CHST11: variants seen among roughly 807,000 people sequenced by gnomAD.
CHST11 encodes the protein C4S-1.
A neutral mutation model predicts 30.4 loss-of-function variants in CHST11; 9 were observed. That is an observed-to-expected ratio of 0.30 (90% CI 0.18 to 0.52). The LOEUF is 0.52. Among genes scored for constraint, CHST11 ranks in the 20% least tolerant of loss-of-function variants. The pLI, the probability that CHST11 is intolerant of heterozygous loss-of-function variation, is 0.97. For synonymous variants in CHST11, 152 were observed against 187.8 expected, an observed-to-expected ratio of 0.81 and a Z score of 1.56; for missense variants, 348 against 460.6, an observed-to-expected ratio of 0.76 and a Z score of 2.24.
chr12:104,470,841 C>T (rs1173514440), intron 1 of CHST11, among the ~76,000 whole-genome samples: 1 of 152,208 alleles, frequency 6.6e-6, no homozygotes, highest in Non-Finnish European at 1.5e-5. Flanking sequence ...CTCTTCACCT[C>T]ACTAGTATGC....
At position 104,750,442 on chromosome 12, in the gene CHST11, TTTTTTTTTTTTTTTG is replaced by T. The variant is rs1444510699; in HGVS notation, c.205-6504_205-6490del. On this transcript the variant is annotated intron_variant, in intron 2 of 2. Coordinates refer to ENST00000303694, the MANE Select transcript of CHST11 (RefSeq NM_018413.6). The stretch of plus-strand genomic sequence containing the variant: ...ATATTTCTGCACTTTTTTTTTTTTT[TTTTTTTTTTTTTTTG>T]TTGAGACTGAGTCTCGCTCTGTCAC... 5.6e-3 allele frequency among the ~76,000 whole-genome samples: 622 copies of T among 111,562 alleles called. 6 individuals are homozygous for T. Among genetic ancestry groups the T allele is most frequent in the African/African-American group, 0.021 (591 of 28,768 alleles). 73.2% of individuals were successfully genotyped at this position (111,562 alleles called of 152,430 possible). A position where few individuals can be genotyped will look rare whatever the true frequency, so the allele number is the denominator to read the frequency against.
chr12:104,564,969 C>A (rs933747702), intron 1 of CHST11, among the ~76,000 whole-genome samples: 1 of 152,022 alleles, frequency 6.6e-6, no homozygotes, highest in African/African-American at 2.4e-5. Context: ...AAAAACCCAC[C>A]CCCTTGATTC....
intron 2 of CHST11, among the ~76,000 whole-genome samples, chr12:104,651,017 G>A (rs1171906512): frequency 6.6e-6 from 1 of 152,184 alleles, no homozygotes; most frequent in Non-Finnish European, 1.5e-5. Context: ...GTATTTATTA[G>A]TCATTATTAT....
chr12:104,628,622 C>G (rs2039242346), intron 2 of CHST11, among the ~76,000 whole-genome samples: 1 of 152,098 alleles, frequency 6.6e-6, no homozygotes, highest in Non-Finnish European at 1.5e-5. Context: ...CTGGCCCCTC[C>G]CTCCCTCTTC....
chr12:104,642,615 G>C (rs2039387845), intron 2 of CHST11, among the ~76,000 whole-genome samples: 2 of 151,956 alleles, frequency 1.3e-5, no homozygotes, highest in Admixed American at 6.6e-5. Context: ...GCCCAGGCTG[G>C]CCTAGAACTC....
intron 2 of CHST11, among the ~76,000 whole-genome samples, chr12:104,657,042 G>C (rs773530280): frequency 2.6e-5 from 4 of 151,958 alleles, no homozygotes; most frequent in Non-Finnish European, 5.9e-5. Flanking sequence ...AGAAAGCGTG[G>C]CATTGGGAAA....
intron 1 of CHST11, among the ~76,000 whole-genome samples, chr12:104,462,261 T>G (rs2037417532): frequency 6.8e-6 from 1 of 147,976 alleles, no homozygotes; most frequent in African/African-American, 2.5e-5. Context: ...AAGAGGCAAC[T>G]GGTACTTTAA....
intron 2 of CHST11, among the ~76,000 whole-genome samples, chr12:104,635,627 G>A (rs2039316451): frequency 6.6e-6 from 1 of 152,240 alleles, no homozygotes; most frequent in Non-Finnish European, 1.5e-5. Context: ...CTTAGGACAT[G>A]TCTGTAGCCA....
chr12:104,557,478 G>A (rs932590449), intron 1 of CHST11, among the ~76,000 whole-genome samples: 1 of 152,088 alleles, frequency 6.6e-6, no homozygotes, highest in Non-Finnish European at 1.5e-5. Context: ...GGGATGCACC[G>A]GGCGGGGACA....
At chr12:104,580,324 C>T (rs1383782306) in intron 1 of CHST11, among the ~76,000 whole-genome samples, 2 of 152,172 alleles carry the variant, frequency 1.3e-5, no homozygotes, top group Admixed American at 1.3e-4. Flanking sequence ...AAGCCAAAAG[C>T]GTTCACTGTA....
intron 2 of CHST11, among the ~76,000 whole-genome samples, chr12:104,746,520 C>CA (rs980444891): frequency 2.6e-5 from 4 of 152,200 alleles, no homozygotes; most frequent in Non-Finnish European, 5.9e-5. Flanking sequence ...CCATCACTAT[C>CA]ACCCAGAGCC....
intron 2 of CHST11, among the ~76,000 whole-genome samples, chr12:104,687,544 A>G (rs950309948): frequency 1.3e-5 from 2 of 152,366 alleles, no homozygotes; most frequent in East Asian, 1.9e-4. Flanking sequence ...GCCCATAGTC[A>G]TAGCTGGGAA....
chr12:104,594,007 T>C (rs1157533900), intron 1 of CHST11, among the ~76,000 whole-genome samples: 2 of 152,256 alleles, frequency 1.3e-5, no homozygotes, highest in African/African-American at 4.8e-5. Flanking sequence ...CATTTGCTAT[T>C]AGTAAGTCAT....
chr12:104,675,746 T>G (rs929355872), intron 2 of CHST11, among the ~76,000 whole-genome samples: 2 of 152,248 alleles, frequency 1.3e-5, no homozygotes, highest in Non-Finnish European at 2.9e-5. Context: ...ATTGCCATTC[T>G]TACAGGGTTG....
Position 104,457,268 on chromosome 12 carries a change from C to T in CHST11, c.-144C>T, listed in dbSNP as rs1050066986. The T allele has an allele frequency of 5.0e-6, 3 of 599,074 alleles. No individual in the cohort carries two copies. The highest frequency in any genetic ancestry group is 3.0e-6 in the Non-Finnish European group (1 of 337,842). 37.1% of individuals were successfully genotyped at this position (599,074 alleles called of 1,614,324 possible). A position where few individuals can be genotyped will look rare whatever the true frequency, so the allele number is the denominator to read the frequency against. On this transcript the variant is annotated 5_prime_UTR_variant, in exon 1 of 3. Transcript: ENST00000303694. ...CCGGGCTGGGGGCTCCGAGAGCGGCCGCGAAGCGACTCCGATCCTCCCTCT... is the reference window on the plus strand; with the variant it reads ...CCGGGCTGGGGGCTCCGAGAGCGGCTGCGAAGCGACTCCGATCCTCCCTCT...
At chr12:104,479,594 C>G (rs984502732) in intron 1 of CHST11, among the ~76,000 whole-genome samples, 1 of 152,026 alleles carries the variant, frequency 6.6e-6, no homozygotes, top group Non-Finnish European at 1.5e-5. Context: ...GGCATCAGAT[C>G]TTGTTTTTCT....
At chr12:104,476,116 A>C (rs868763266) in intron 1 of CHST11, among the ~76,000 whole-genome samples, 5 of 144,932 alleles carry the variant, frequency 3.4e-5, no homozygotes, top group African/African-American at 1.3e-4. Context: ...AATATAAATA[A>C]TAATATATAA....
intron 2 of CHST11, among the ~76,000 whole-genome samples, chr12:104,750,856 TA>T (rs1165883233): frequency 6.6e-6 from 1 of 152,156 alleles, no homozygotes; most frequent in Non-Finnish European, 1.5e-5. Flanking sequence ...ATTTTAAAAT[TA>T]AAAAATTATA....
At chr12:104,688,850 T>C (rs1004238308) in intron 2 of CHST11, among the ~76,000 whole-genome samples, 2 of 152,130 alleles carry the variant, frequency 1.3e-5, no homozygotes, top group African/African-American at 2.4e-5. Context: ...CTACTGGGCA[T>C]GGTGATGAGC....
Sources: allele counts gnomAD v4.1 joint callset (sites outside exome capture counted in the v4.1 genomes callset), GRCh38; gene constraint gnomAD v4.1.1; transcripts MANE v1.5; gene names NCBI Gene and HGNC (gene_info 2026-07-23, HGNC 2026-07-21).